Variants in PTK2 observed in about 807,000 individuals in gnomAD.
PTK2 encodes protein tyrosine kinase 2.
PTK2 carries 45 observed loss-of-function variants against 150.1 expected under a neutral mutation model. The observed-to-expected ratio is 0.30, with a 90% CI of 0.24 to 0.38. PTK2 has a LOEUF of 0.38. Ranked by LOEUF, PTK2 falls within the 10% of genes least tolerant of loss-of-function variation. PTK2 has a pLI of 1.00. For synonymous variants in PTK2, 432 were observed against 449.2 expected, an observed-to-expected ratio of 0.96 and a Z score of 0.48; for missense variants, 919 against 1,307.3, an observed-to-expected ratio of 0.70 and a Z score of 4.58.
chr8:140,851,333 C>T (rs1359207940), intron 5 of PTK2, among the ~76,000 whole-genome samples: 1 of 152,148 alleles, frequency 6.6e-6, no homozygotes, highest in Admixed American at 6.5e-5. Flanking sequence ...TTAACAGTTA[C>T]ACATTCATTG....
chr8:140,744,568 G>T, intron 19 of PTK2, 84 bp downstream of exon 22: 1 of 795,958 alleles, frequency 1.3e-6, no homozygotes, highest in Non-Finnish European at 2.0e-6. Flanking sequence ...ATCCAAAAGG[G>T]TCCAAAGACG....
rs1002617203 is a variant in PTK2 at position 140,743,354 on chromosome 8, A to G, written c.1635-24T>C. ...CCCTGATAAAGAAGAATTTGAGACAATAAGACTTAAAATAAGAAAAACAAA... is the reference window on the plus strand; with the variant it reads ...CCCTGATAAAGAAGAATTTGAGACAGTAAGACTTAAAATAAGAAAAACAAA... On this transcript the variant is annotated intron_variant, in intron 19 of 31. Transcript: ENST00000522684. 1.3e-5 allele frequency: 20 copies of G among 1,580,014 alleles called. No homozygotes were observed. The South Asian group carries it at 1.3e-4, about 11-fold the overall frequency.
intron 1 of PTK2, among the ~76,000 whole-genome samples, chr8:140,942,830 G>C (rs1170725566): frequency 6.6e-6 from 1 of 152,164 alleles, no homozygotes; most frequent in African/African-American, 2.4e-5. Context: ...CCCAGTGTTG[G>C]AAGTGCAGCC....
intron 2 of PTK2, among the ~76,000 whole-genome samples, chr8:140,890,975 T>C (rs1358608795): frequency 6.6e-6 from 1 of 152,046 alleles, no homozygotes; most frequent in African/African-American, 2.4e-5. Flanking sequence ...AGAATAAATA[T>C]TTGTTAAAAA....
At chr8:140,812,917 C>T (rs1356439976) in intron 10 of PTK2, among the ~76,000 whole-genome samples, 3 of 152,136 alleles carry the variant, frequency 2.0e-5, no homozygotes, top group Admixed American at 1.3e-4. Context: ...GACTTAGACT[C>T]CTACACAATA....
At chr8:140,717,302 A>G (rs2100040229) in intron 23 of PTK2, among the ~76,000 whole-genome samples, 1 of 152,212 alleles carries the variant, frequency 6.6e-6, no homozygotes, top group African/African-American at 2.4e-5. Flanking sequence ...CTGACAATCA[A>G]CAAAGGAAAA....
chr8:140,885,945 C>T (rs1278498204), intron 3 of PTK2, among the ~76,000 whole-genome samples: 1 of 152,010 alleles, frequency 6.6e-6, no homozygotes, highest in African/African-American at 2.4e-5. Context: ...GGGTTGTCAA[C>T]AGACTAAGGA....
chr8:140,871,161 T>C (rs1385678324), intron 4 of PTK2, among the ~76,000 whole-genome samples: 1 of 152,198 alleles, frequency 6.6e-6, no homozygotes, highest in East Asian at 1.9e-4. Flanking sequence ...TTTATAACTT[T>C]GTCACCAAAA....
intron 11 of PTK2, among the ~76,000 whole-genome samples, chr8:140,803,305 A>G (rs886514569): frequency 6.6e-6 from 1 of 151,974 alleles, no homozygotes; most frequent in Admixed American, 6.6e-5. Context: ...GCCTGATGAT[A>G]ATCTTTAATC....
At position 140,814,085 on chromosome 8, in the gene PTK2, C is replaced by T. The variant is rs140591629; in HGVS notation, c.867+4192G>A. ...TGGATAAATTCCTGGGCATATAAAC[C>T]CTCCCAAGACTGAGCCAGGAAGAAA... On this transcript the variant is annotated intron_variant, in intron 10 of 31. Transcript: ENST00000522684. Among the ~76,000 whole-genome samples the T allele has an allele frequency of 9.5e-3, 1,445 of 152,124 alleles. 23 individuals are homozygous for T. The highest frequency in any genetic ancestry group is 0.011 in the Non-Finnish European group (751 of 68,000).
At chr8:140,751,763 A>G in intron 17 of PTK2, 1 of 365,138 alleles carries the variant, frequency 2.7e-6, no homozygotes, top group Middle Eastern at 7.9e-4. Context: ...AAGTGCTAGG[A>G]TTACAAGCGT....
intron 26 of PTK2, among the ~76,000 whole-genome samples, chr8:140,699,679 G>C (rs2100029044): frequency 6.6e-6 from 1 of 152,076 alleles, no homozygotes; most frequent in Non-Finnish European, 1.5e-5. Flanking sequence ...GTTGTTTCTG[G>C]GTAAACAATG....
chr8:140,728,682 G>A (rs940010160), intron 22 of PTK2, among the ~76,000 whole-genome samples: 6 of 152,050 alleles, frequency 3.9e-5, no homozygotes, highest in African/African-American at 9.7e-5. Flanking sequence ...ACCACGCCCG[G>A]CTATTTTTTT....
At chr8:140,772,286 A>G (rs1232771989) in intron 14 of PTK2, among the ~76,000 whole-genome samples, 4 of 152,168 alleles carry the variant, frequency 2.6e-5, no homozygotes, top group African/African-American at 9.7e-5. Context: ...AAAATTAGCC[A>G]GGTGTGGAGT....
At chr8:140,894,819 C>G (rs1338016776) in intron 2 of PTK2, among the ~76,000 whole-genome samples, 1 of 152,190 alleles carries the variant, frequency 6.6e-6, no homozygotes, top group Non-Finnish European at 1.5e-5. Context: ...GGTGGCACTT[C>G]TGAGTATACA....
intron 15 of PTK2, 101 bp downstream of exon 17, chr8:140,764,133 T>C (rs1289585555): frequency 6.5e-6 from 6 of 922,376 alleles, no homozygotes; most frequent in Non-Finnish European, 1.1e-5. Flanking sequence ...TCCAAGGAAG[T>C]ATTAAAAATG....
At chr8:140,680,628 C>T (rs2100016420) in intron 27 of PTK2, among the ~76,000 whole-genome samples, 1 of 152,186 alleles carries the variant, frequency 6.6e-6, no homozygotes, top group Non-Finnish European at 1.5e-5. Flanking sequence ...TTCCTATTAG[C>T]AACGTTCTAA....
At chr8:140,764,274 A>G (rs1409458577) in exon 15 of PTK2, 5 of 1,609,596 alleles carry the variant, frequency 3.1e-6, no homozygotes. Context: ...CTATAATCTC[A>G]GCATAATCAT....
Position 140,947,440 on chromosome 8 carries a change from C to T in PTK2, c.-121-21691G>A, listed in dbSNP as rs186359995. Among the ~76,000 whole-genome samples, 31 of 152,258 alleles carry T rather than the reference C, an allele frequency of 2.0e-4. No individual in the cohort carries two copies. In the East Asian group the frequency reaches 6.0e-3, roughly 29 times the overall value. On this transcript the variant is annotated intron_variant, in intron 1 of 31. Coordinates refer to ENST00000522684, the Ensembl canonical transcript of PTK2. ...AAGTGGCAGCACCAAAGTCTGAACT[C>T]GAGCTCATCTAACTCTAAAACTAGC...
Sources: allele counts gnomAD v4.1 joint callset (sites outside exome capture counted in the v4.1 genomes callset), GRCh38; gene constraint gnomAD v4.1.1; transcripts MANE v1.5; gene names NCBI Gene and HGNC (gene_info 2026-07-23, HGNC 2026-07-21).